Variants in PHF24 observed in about 807,000 individuals in gnomAD.
The protein encoded by PHF24 is PHD finger protein 24, also known as Galpha inhibitory interacting protein.
PHF24 carries 25 observed loss-of-function variants against 42.6 expected under a neutral mutation model. The ratio of observed to expected loss-of-function variants is 0.59; its 90% CI spans 0.43 to 0.82. The LOEUF is 0.82. PHF24 is among the 40% of genes least tolerant of loss of function. PHF24 has a pLI of 0.00. For missense variants in PHF24, 470 were observed against 538.1 expected, an observed-to-expected ratio of 0.87 and a Z score of 1.25; for synonymous variants, 185 against 204.8, an observed-to-expected ratio of 0.90 and a Z score of 0.83.
chr9:34,794,949 A>T, the PHF24 span, among the ~76,000 whole-genome samples: 1 of 152,298 alleles, frequency 6.6e-6, no homozygotes, highest in Admixed American at 6.5e-5. Context: ...AGTTTGGTAA[A>T]AAATACAAAG....
the PHF24 span, among the ~76,000 whole-genome samples, chr9:34,873,036 C>T: frequency 2.8e-4 from 41 of 145,896 alleles, no homozygotes; most frequent in South Asian, 6.5e-4. Flanking sequence ...CCTTTGCCCA[C>T]TTTTTGATGG....
chr9:34,950,739 C>A, the PHF24 span, among the ~76,000 whole-genome samples: 1 of 152,010 alleles, frequency 6.6e-6, no homozygotes, highest in South Asian at 2.1e-4. Context: ...GATCTTGGGA[C>A]CAAAAGGCTA....
the PHF24 span, chr9:34,691,144 G>T: frequency 6.2e-7 from 1 of 1,613,314 alleles, no homozygotes; most frequent in South Asian, 1.1e-5. Flanking sequence ...GGCCATGGAG[G>T]GTGAACAGAG....
chr9:34,722,831 G>T, the PHF24 span, among the ~76,000 whole-genome samples: 1 of 152,198 alleles, frequency 6.6e-6, no homozygotes, highest in Non-Finnish European at 1.5e-5. Flanking sequence ...TTATGGGACA[G>T]TGGAAAATAT....
At chr9:34,832,825 C>T in the PHF24 span, 4 of 1,551,616 alleles carry the variant, frequency 2.6e-6, no homozygotes, top group Admixed American at 7.8e-5. Flanking sequence ...GCACCACAGT[C>T]TGGGTATTCT....
At chr9:34,922,134 G>A in the PHF24 span, 3 of 1,454,040 alleles carry the variant, frequency 2.1e-6, no homozygotes, top group East Asian at 6.8e-5. Flanking sequence ...GATGACAAAT[G>A]GTCTACTGTG....
At chr9:34,729,450 G>A in the PHF24 span, 235 of 1,540,278 alleles carry the variant, frequency 1.5e-4, no homozygotes, top group African/African-American at 2.6e-3. Flanking sequence ...ATTAGCATGA[G>A]ATCAACCATC....
chr9:34,858,294 A>G, the PHF24 span, among the ~76,000 whole-genome samples: 18 of 152,136 alleles, frequency 1.2e-4, no homozygotes, highest in Non-Finnish European at 1.5e-5. Context: ...CCCTTCATCC[A>G]TCAGCCCATT....
At chr9:34,980,585 A>T (rs1040807612) in exon 8 of PHF24, 3 of 152,042 alleles carry the variant, frequency 2.0e-5, no homozygotes, top group African/African-American at 7.3e-5. Context: ...GCCCTGCCCC[A>T]ACCCCCGTCC....
chr9:34,831,047 A>G, the PHF24 span, among the ~76,000 whole-genome samples: 1 of 152,226 alleles, frequency 6.6e-6, no homozygotes, highest in Non-Finnish European at 1.5e-5. Context: ...GTGTGGCATT[A>G]AATTGTAGAT....
chr9:34,848,004 G>T, the PHF24 span, among the ~76,000 whole-genome samples: 1 of 152,084 alleles, frequency 6.6e-6, no homozygotes, highest in African/African-American at 2.4e-5. Flanking sequence ...CGGTTTGCCA[G>T]TATTTTATTG....
At chr9:34,864,744 A>G in the PHF24 span, among the ~76,000 whole-genome samples, 12 of 152,356 alleles carry the variant, frequency 7.9e-5, no homozygotes, top group Admixed American at 7.2e-4. Context: ...ACTGAAAAAT[A>G]TTACAACTCT....
the PHF24 span, among the ~76,000 whole-genome samples, chr9:34,731,191 T>G: frequency 1.3e-5 from 2 of 152,214 alleles, no homozygotes; most frequent in African/African-American, 2.4e-5. Flanking sequence ...ATGTGAGATA[T>G]TTTGATACAG....
the PHF24 span, among the ~76,000 whole-genome samples, chr9:34,673,965 A>T: frequency 6.6e-6 from 1 of 152,118 alleles, no homozygotes; most frequent in Non-Finnish European, 1.5e-5. Context: ...CATGTTGCCC[A>T]GGCAGGTGTC....
chr9:34,829,030 G>A, the PHF24 span, among the ~76,000 whole-genome samples: 6 of 152,114 alleles, frequency 3.9e-5, no homozygotes, highest in Non-Finnish European at 7.3e-5. Flanking sequence ...GGGATATGGT[G>A]TCAGGATAAA....
At chr9:34,916,209 A>G in the PHF24 span, among the ~76,000 whole-genome samples, 1 of 152,188 alleles carries the variant, frequency 6.6e-6, no homozygotes, top group East Asian at 1.9e-4. Flanking sequence ...TGTTATGACA[A>G]TGTGTGATAG....
chr9:34,962,116 C>T (rs543807377), intron 1 of PHF24, among the ~76,000 whole-genome samples: 11 of 152,244 alleles, frequency 7.2e-5, no homozygotes, highest in African/African-American at 2.2e-4. Flanking sequence ...TCTTCCTGGC[C>T]TCAGCAAATC....
the PHF24 span, among the ~76,000 whole-genome samples, chr9:34,927,272 T>C: frequency 6.6e-6 from 1 of 152,162 alleles, no homozygotes; most frequent in East Asian, 1.9e-4. Flanking sequence ...GCAGCTGACG[T>C]ATGGCATTCA....
At chr9:34,832,512 C>T in the PHF24 span, 2 of 1,516,542 alleles carry the variant, frequency 1.3e-6, no homozygotes, top group Non-Finnish European at 1.8e-6. Context: ...CTCTGTCTTA[C>T]TTCTCCCCAC....
Sources: gnomAD v4.1 joint callset for allele counts (sites outside exome capture counted in the v4.1 genomes callset) on GRCh38, gnomAD v4.1.1 for gene constraint, MANE v1.5 for transcripts, NCBI Gene and HGNC (gene_info 2026-07-23, HGNC 2026-07-21) for gene names.